Variants in RNASEH2B observed in about 807,000 individuals in gnomAD.
RNASEH2B encodes ribonuclease H2 subunit B, also known as Aicardi-Goutieres syndrome 2 protein.
In RNASEH2B, 36 loss-of-function variants were observed where a neutral mutation model predicts 45.0. The observed-to-expected ratio is 0.80, with a 90% CI of 0.61 to 1.06. RNASEH2B has a LOEUF of 1.06. Ranked by LOEUF, RNASEH2B falls within the 50% of genes least tolerant of loss-of-function variation. The pLI is 0.00. For synonymous variants in RNASEH2B, 119 were observed against 125.7 expected, an observed-to-expected ratio of 0.95 and a Z score of 0.35; for missense variants, 361 against 360.3, an observed-to-expected ratio of 1.00 and a Z score of -0.02.
At chr13:50,943,122 G>T in intron 5 of RNASEH2B, 199 bp from the exon 6 acceptor site, 1 of 508,508 alleles carries the variant, frequency 2.0e-6, no homozygotes, top group South Asian at 2.7e-5. Flanking sequence ...CTCATTTAGT[G>T]GTTGATGACT....
chr13:50,960,362 A>G (rs1343324941), downstream of RNASEH2B, among the ~76,000 whole-genome samples: 2 of 152,106 alleles, frequency 1.3e-5, no homozygotes, highest in South Asian at 2.1e-4. Flanking sequence ...ATTATATTAC[A>G]TGGGCTAGAA....
chr13:50,958,934 A>G (rs1952082647), downstream of RNASEH2B, among the ~76,000 whole-genome samples: 1 of 152,182 alleles, frequency 6.6e-6, no homozygotes, highest in Admixed American at 6.5e-5. Flanking sequence ...GAAAGTTTAT[A>G]AGCTTTTGCA....
intron 4 of RNASEH2B, 167 bp downstream of exon 4, chr13:50,930,926 C>T (rs1951674034): frequency 3.0e-6 from 2 of 662,870 alleles, no homozygotes; most frequent in African/African-American, 1.8e-5. Context: ...CAGAGCACTA[C>T]TGCACAGGCC....
intron 3 of RNASEH2B, 27 bp downstream of exon 3, chr13:50,929,609 A>G (rs761230115): frequency 1.5e-6 from 2 of 1,350,842 alleles, no homozygotes. Flanking sequence ...AGCATTTCCA[A>G]TAACTAAACA....
Position 50,925,079 on chromosome 13 carries a change from T to C in RNASEH2B, c.65-2328T>C, listed in dbSNP as rs111241886. Among the ~76,000 whole-genome samples, 399 of 152,278 alleles carry C rather than the reference T, an allele frequency of 2.6e-3. 4 individuals carry two copies. Among genetic ancestry groups the C allele is most frequent in the African/African-American group, 8.8e-3 (366 of 41,564 alleles). On this transcript the variant is annotated intron_variant, in intron 1 of 10. Coordinates refer to ENST00000336617, the MANE Select transcript of RNASEH2B (RefSeq NM_024570.4). ...TTGTCCCGTAGTTTACTAATACTCT[T>C]TTTTCTTCAATTTTTTTCTCTGTGT... is the stretch of plus-strand genomic sequence containing the variant.
intron 1 of RNASEH2B, among the ~76,000 whole-genome samples, chr13:50,920,072 C>G (rs1014328101): frequency 2.0e-5 from 3 of 151,966 alleles, no homozygotes; most frequent in Admixed American, 6.6e-5. Context: ...CTTGCTCTGT[C>G]GCCCAGGCTG....
At chr13:50,943,225 C>T (rs1951854403) in intron 5 of RNASEH2B, 96 bp from the exon 6 acceptor site, 2 of 772,054 alleles carry the variant, frequency 2.6e-6, no homozygotes, top group African/African-American at 1.8e-5. Context: ...TTTAAACTTA[C>T]AAAATATTCT....
chr13:50,954,937 C>T (rs1307184800), intron 10 of RNASEH2B: 1 of 152,104 alleles, frequency 6.6e-6, no homozygotes, highest in African/African-American at 2.4e-5. Context: ...GCTTATGGCC[C>T]ATTTGCATTT....
At chr13:50,966,259 T>C (rs938295034) in intron 9 of RNASEH2B, among the ~76,000 whole-genome samples, 2 of 152,204 alleles carry the variant, frequency 1.3e-5, no homozygotes, top group African/African-American at 4.8e-5. Context: ...ATGGCACAGA[T>C]ACAGACTTAA....
chr13:50,916,185 A>G (rs1879731331), intron 1 of RNASEH2B, among the ~76,000 whole-genome samples: 1 of 152,128 alleles, frequency 6.6e-6, no homozygotes. Flanking sequence ...TGTTGTTTAC[A>G]TTACAAAATG....
chr13:50,956,389 C>G lies in RNASEH2B; in HGVS notation c.854C>G (p.Ala285Gly). The G allele has an allele frequency of 6.2e-7, 1 of 1,603,368 alleles. No homozygotes were observed. The highest frequency in any genetic ancestry group is 1.3e-5 in the African/African-American group (1 of 74,696). ...KNSKMTAAQKALAKVDKSGMK... is the reference protein window; with the variant it reads ...KNSKMTAAQKGLAKVDKSGMK... ...AGCAAAATGACTGCAGCTCAGAAGG[C>G]TTTGGCTAAAGTTGACAAGAGTGGA... The change falls in exon 11 of 11, where the codon GCT becomes GGT. Residue 285 changes from alanine (A) to glycine (G), a missense_variant. Physicochemically the swap from Ala to Gly is moderately conservative, Grantham distance 60. Transcript: ENST00000336617.
intron 4 of RNASEH2B, chr13:50,934,261 A>G (rs1951717114): frequency 6.5e-6 from 1 of 153,898 alleles, no homozygotes; most frequent in South Asian, 2.0e-4. Flanking sequence ...ACTGGCAACC[A>G]GGCCATATAA....
chr13:50,968,252 T>G (rs1470399198), intron 9 of RNASEH2B, among the ~76,000 whole-genome samples: 1 of 151,888 alleles, frequency 6.6e-6, no homozygotes, highest in African/African-American at 2.4e-5. Context: ...AATAAAAAAT[T>G]AGCCAGGTGT....
chr13:50,933,749 T>C (rs1347972417), intron 4 of RNASEH2B, among the ~76,000 whole-genome samples: 1 of 152,236 alleles, frequency 6.6e-6, no homozygotes, highest in Non-Finnish European at 1.5e-5. Flanking sequence ...CCATTACATA[T>C]AAATATTGTT....
chr13:50,962,087 G>A (rs1011879329), intron 9 of RNASEH2B, among the ~76,000 whole-genome samples: 1 of 152,040 alleles, frequency 6.6e-6, no homozygotes, highest in Non-Finnish European at 1.5e-5. Context: ...TTTATATGTA[G>A]TATGGGGTTT....
At chr13:50,919,299 A>G (rs954587354) in intron 1 of RNASEH2B, among the ~76,000 whole-genome samples, 1 of 152,248 alleles carries the variant, frequency 6.6e-6, no homozygotes, top group African/African-American at 2.4e-5. Context: ...GGCTTGTACA[A>G]TACTTTGTGG....
chr13:50,956,761 T>C lies in RNASEH2B; in HGVS notation c.*287T>C. On this transcript the variant is annotated 3_prime_UTR_variant, in exon 11 of 11. Transcript: ENST00000336617. ...TTCTCAATAAACTGATGTGTGACAATGTTAGAGTGTATGACTGCTTTTTAA... is the reference window on the plus strand; with the variant it reads ...TTCTCAATAAACTGATGTGTGACAACGTTAGAGTGTATGACTGCTTTTTAA... 3 of 1,161,016 alleles carry C rather than the reference T, an allele frequency of 2.6e-6. No individual in the cohort carries two copies. Among genetic ancestry groups the C allele is most frequent in the Non-Finnish European group, 3.2e-6 (3 of 931,754 alleles). 71.9% of individuals were successfully genotyped at this position (1,161,016 alleles called of 1,614,324 possible).
At chr13:50,925,926 A>G (rs1951588689) in intron 1 of RNASEH2B, among the ~76,000 whole-genome samples, 1 of 152,126 alleles carries the variant, frequency 6.6e-6, no homozygotes, top group Non-Finnish European at 1.5e-5. Context: ...CCCTTTCTGC[A>G]CTGTGGCCTG....
chr13:50,939,356 C>CA (rs71190394), intron 5 of RNASEH2B, among the ~76,000 whole-genome samples: 1 of 145,584 alleles, frequency 6.9e-6, no homozygotes, highest in South Asian at 2.1e-4. Context: ...GACTCTGTTT[C>CA]AAAAGAAAAA....
Sources: gnomAD v4.1 joint callset for allele counts (sites outside exome capture counted in the v4.1 genomes callset) on GRCh38, gnomAD v4.1.1 for gene constraint, MANE v1.5 for transcripts, NCBI Gene and HGNC (gene_info 2026-07-23, HGNC 2026-07-21) for gene names.